Variants in CRACDL observed in about 807,000 individuals in gnomAD.
CRACDL encodes CRACD-like protein.
In CRACDL, 26 loss-of-function variants were observed where a neutral mutation model predicts 70.6. That is an observed-to-expected ratio of 0.37 (90% CI 0.27 to 0.51). The LOEUF is 0.51. CRACDL is among the 20% of genes least tolerant of loss of function. The pLI, the probability that CRACDL is intolerant of heterozygous loss-of-function variation, is 0.94. For synonymous variants in CRACDL, 618 were observed against 615.2 expected, an observed-to-expected ratio of 1.00 and a Z score of -0.07; for missense variants, 1,283 against 1,376.9, an observed-to-expected ratio of 0.93 and a Z score of 1.08.
intron 1 of CRACDL, among the ~76,000 whole-genome samples, chr2:98,901,548 C>T (rs1409230090): frequency 1.3e-5 from 2 of 152,212 alleles, no homozygotes; most frequent in African/African-American, 4.8e-5. Flanking sequence ...CAGCACAGCC[C>T]ACAGGGCACC....
chr2:98,841,015 T>C (rs1172330391), intron 2 of CRACDL, among the ~76,000 whole-genome samples: 1 of 152,242 alleles, frequency 6.6e-6, no homozygotes, highest in Non-Finnish European at 1.5e-5. Flanking sequence ...GTAAGCATAA[T>C]GCAAGTATTC....
chr2:98,811,735 T>G (rs901664539), intron 7 of CRACDL, among the ~76,000 whole-genome samples: 5 of 152,116 alleles, frequency 3.3e-5, no homozygotes, highest in African/African-American at 1.2e-4. Context: ...TACTGATCTA[T>G]TTGTTCTCTG....
chr2:98,893,889 C>T (rs1463627095), intron 1 of CRACDL, among the ~76,000 whole-genome samples: 3 of 152,196 alleles, frequency 2.0e-5, no homozygotes, highest in Non-Finnish European at 2.9e-5. Flanking sequence ...CACGAACGCC[C>T]GTGCACCACA....
chr2:98,923,608 T>C (rs1178221524), intron 1 of CRACDL, among the ~76,000 whole-genome samples: 1 of 152,222 alleles, frequency 6.6e-6, no homozygotes, highest in Non-Finnish European at 1.5e-5. Context: ...ATGCACTATC[T>C]AGAAATGAAA....
intron 1 of CRACDL, among the ~76,000 whole-genome samples, chr2:98,891,486 G>A (rs993448109): frequency 2.6e-5 from 4 of 151,764 alleles, no homozygotes; most frequent in East Asian, 1.9e-4. Flanking sequence ...TTTCTTTTTC[G>A]GGTAATGAAA....
At position 98,840,605 on chromosome 2, in the gene CRACDL, A is replaced by G. The variant is rs529674813; in HGVS notation, c.71-2318T>C. ...AGAGAGATGTGTTAAAAATAACCCC[A>G]CTCTGCTTATAGATTTTCTTATTTA... On this transcript the variant is annotated intron_variant, in intron 2 of 9. Coordinates refer to ENST00000397899, the MANE Select transcript of CRACDL (RefSeq NM_207362.3). 3 of 151,838 alleles carry G rather than the reference A, an allele frequency of 2.0e-5. No individual in the cohort carries two copies. The South Asian group carries it at 6.2e-4, about 32-fold the overall frequency. The allele number at this position is 151,838 out of a possible 1,614,324, so 9.4% of individuals were successfully genotyped here. A position where few individuals can be genotyped will look rare whatever the true frequency, so the allele number is the denominator to read the frequency against.
At chr2:98,800,578 C>T (rs1477364296) in intron 7 of CRACDL, among the ~76,000 whole-genome samples, 1 of 152,100 alleles carries the variant, frequency 6.6e-6, no homozygotes, top group South Asian at 2.1e-4. Context: ...GAATCCTCCC[C>T]GCTGGTTCAC....
At chr2:98,931,620 C>T (rs538347918) in intron 1 of CRACDL, among the ~76,000 whole-genome samples, 1 of 152,214 alleles carries the variant, frequency 6.6e-6, no homozygotes, top group Non-Finnish European at 1.5e-5. Flanking sequence ...CAGCCCCACA[C>T]ACCACAGCCA....
chr2:98,801,983 C>T (rs985164900), intron 7 of CRACDL, among the ~76,000 whole-genome samples: 1 of 152,250 alleles, frequency 6.6e-6, no homozygotes, highest in East Asian at 1.9e-4. Context: ...GCCCTCGTGG[C>T]TGTTGTGATA....
At position 98,891,376 on chromosome 2, in the gene CRACDL, C is replaced by CAAAAAAAAAAAAAAAAAAA. The variant is rs548988640; in HGVS notation, c.-11+44543_-11+44561dup. 1.7e-3 allele frequency among the ~76,000 whole-genome samples: 63 copies of CAAAAAAAAAAAAAAAAAAA among 37,894 alleles called. 6 individuals carry two copies. Among genetic ancestry groups the CAAAAAAAAAAAAAAAAAAA allele is most frequent in the Non-Finnish European group, 1.9e-3 (37 of 19,446 alleles). 24.9% of individuals were successfully genotyped at this position (37,894 alleles called of 152,430 possible). A position where few individuals can be genotyped will look rare whatever the true frequency, so the allele number is the denominator to read the frequency against. ...TGGGTGACAGAGGGAGACTCCGTCT[C>CAAAAAAAAAAAAAAAAAAA]AAAAAAAAAAAAAAAAAAAAAAAAA... On this transcript the variant is annotated intron_variant, in intron 1 of 9. Coordinates refer to ENST00000397899, the MANE Select transcript of CRACDL (RefSeq NM_207362.3).
At chr2:98,855,017 C>T (rs770502889) in intron 1 of CRACDL, among the ~76,000 whole-genome samples, 19 of 152,188 alleles carry the variant, frequency 1.2e-4, no homozygotes, top group African/African-American at 3.4e-4. Flanking sequence ...TGGCTGGGTG[C>T]GGCGGCTCAC....
intron 1 of CRACDL, among the ~76,000 whole-genome samples, chr2:98,877,657 G>A (rs1707520493): frequency 6.6e-6 from 1 of 152,144 alleles, no homozygotes; most frequent in African/African-American, 2.4e-5. Flanking sequence ...GCTGAGACAG[G>A]AGAATTGCTT....
Position 98,823,327 on chromosome 2 carries a change from A to G in CRACDL, c.946T>C (p.Ser316Pro), listed in dbSNP as rs13014854. 1.3e-6 allele frequency: 2 copies of G among 1,482,616 alleles called. No homozygotes were observed. The highest frequency in any genetic ancestry group is 1.8e-6 in the Non-Finnish European group (2 of 1,127,016). The allele number at this position is 1,482,616 out of a possible 1,614,324, so 91.8% of individuals were successfully genotyped here. ...RARRARLQHS[S>P]ALTASVEEGG... is the part of the protein sequence containing the mutation. ...TCCTCCACGCTGGCCGTGAGCGCGG[A>G]GGAGTGCTGCAGGCGGGCGCGTCTG... Residue 316 changes from serine (S) to proline (P), a missense_variant, in exon 7 of 10, where the codon TCC (serine) becomes CCC (proline). Ser to Pro is a moderately conservative substitution (Grantham distance 74). Around this residue, in one of 2 missense-constraint regions of CRACDL, gnomAD observed 362 missense variants for 495.0 expected, o/e 0.73. Transcript: ENST00000397899. This position sits in a 1 kb window ranked among gnomAD's most constrained non-coding sequence, Gnocchi z 4.0.
At chr2:98,865,469 T>G (rs79534353) in intron 1 of CRACDL, among the ~76,000 whole-genome samples, 1 of 152,160 alleles carries the variant, frequency 6.6e-6, no homozygotes, top group Non-Finnish European at 1.5e-5. Flanking sequence ...ACATTCCCCA[T>G]ACTTTTAATC....
At chr2:98,819,338 A>G (rs1484609694) in intron 7 of CRACDL, among the ~76,000 whole-genome samples, 2 of 152,206 alleles carry the variant, frequency 1.3e-5, no homozygotes, top group Non-Finnish European at 2.9e-5. Context: ...GACATTTTCA[A>G]TTCTAGGCCA....
chr2:98,904,597 G>A (rs1408667320), intron 1 of CRACDL, among the ~76,000 whole-genome samples: 1 of 152,216 alleles, frequency 6.6e-6, no homozygotes, highest in Non-Finnish European at 1.5e-5. Context: ...ATGGACCCAT[G>A]AGTGTTTATT....
chr2:98,803,816 C>T (rs1422485472), intron 7 of CRACDL, among the ~76,000 whole-genome samples: 8 of 152,286 alleles, frequency 5.3e-5, no homozygotes, highest in African/African-American at 1.7e-4. Flanking sequence ...AATAGAACAG[C>T]GGTCCTCTGC....
At chr2:98,840,677 T>C (rs751012715) in intron 2 of CRACDL, 16 of 152,172 alleles carry the variant, frequency 1.1e-4, no homozygotes, top group Non-Finnish European at 1.8e-4. Context: ...GTTGGGGAGG[T>C]TGCTTTCCTG....
intron 1 of CRACDL, among the ~76,000 whole-genome samples, chr2:98,922,926 CTG>C (rs1293679377): frequency 3.9e-5 from 6 of 152,190 alleles, no homozygotes; most frequent in African/African-American, 1.4e-4. Context: ...TTCAATAAAA[CTG>C]AGCAGCAATT....
Sources: gnomAD v4.1 joint callset for allele counts (sites outside exome capture counted in the v4.1 genomes callset) on GRCh38, gnomAD v4.1.1 for gene constraint, gnomAD v4.1.1 regional missense constraint, Gnocchi (gnomAD v3.1) non-coding constraint, MANE v1.5 for transcripts, NCBI Gene and HGNC (gene_info 2026-07-23, HGNC 2026-07-21) for gene names.